Variants in CCDC102B observed in about 807,000 individuals in gnomAD.
CCDC102B encodes coiled-coil domain-containing protein 102B.
A neutral mutation model predicts 57.4 loss-of-function variants in CCDC102B; 75 were observed. The observed-to-expected ratio is 1.31, with a 90% CI of 1.08 to 1.58. CCDC102B has a LOEUF of 1.58. Among genes scored for constraint, CCDC102B ranks in the 40% most tolerant of loss-of-function variants. The pLI is 0.00. For synonymous variants in CCDC102B, 206 were observed against 201.9 expected (o/e 1.02, Z -0.17); for missense variants, 636 against 582.6 (o/e 1.09, Z -0.94).
intron 1 of CCDC102B, among the ~76,000 whole-genome samples, chr18:68,813,487 G>A (rs928160542): frequency 6.6e-6 from 1 of 151,944 alleles, no homozygotes; most frequent in African/African-American, 2.4e-5. Context: ...AAGAGGAAGG[G>A]AAGGGGAGGC....
chr18:68,945,646 C>A (rs1869810629), intron 6 of CCDC102B, among the ~76,000 whole-genome samples: 1 of 152,088 alleles, frequency 6.6e-6, no homozygotes, highest in South Asian at 2.1e-4. Flanking sequence ...ATGTAAACTT[C>A]AAGGCATTCC....
chr18:68,879,988 T>TG (rs2039618008), intron 5 of CCDC102B, among the ~76,000 whole-genome samples: 1 of 152,200 alleles, frequency 6.6e-6, no homozygotes, highest in South Asian at 2.1e-4. Flanking sequence ...TCCTGTGCAG[T>TG]GCGCATGCAC....
At chr18:68,796,289 A>T (rs138189652), upstream of CCDC102B, among the ~76,000 whole-genome samples, 265 of 152,290 alleles carry the variant, frequency 1.7e-3, 3 homozygotes, top group East Asian at 0.039. Context: ...TGGATTTGAT[A>T]TAGAATAGAA....
intron 3 of CCDC102B, among the ~76,000 whole-genome samples, chr18:68,845,039 A>G (rs1302007301): frequency 6.6e-6 from 1 of 151,900 alleles, no homozygotes; most frequent in Non-Finnish European, 1.5e-5. Context: ...ATGTCTTTTG[A>G]GGTTAAGCTA....
chr18:69,025,679 G>A (rs1201132619), intron 7 of CCDC102B, among the ~76,000 whole-genome samples: 1 of 152,156 alleles, frequency 6.6e-6, no homozygotes, highest in African/African-American at 2.4e-5. Context: ...GCTCCGGAAA[G>A]GGAAAAATAT....
At chr18:68,883,131 A>T (rs1025215535) in intron 5 of CCDC102B, among the ~76,000 whole-genome samples, 6 of 152,140 alleles carry the variant, frequency 3.9e-5, no homozygotes, top group African/African-American at 1.4e-4. Context: ...TTAAAAGTAT[A>T]TATAAAAGGC....
chr18:69,002,453 C>T (rs1299585553), intron 6 of CCDC102B, among the ~76,000 whole-genome samples: 1 of 152,064 alleles, frequency 6.6e-6, no homozygotes, highest in African/African-American at 2.4e-5. Flanking sequence ...GGATGAGCGC[C>T]AAATGTTTGT....
At chr18:68,899,554 G>T (rs777303436) in intron 6 of CCDC102B, among the ~76,000 whole-genome samples, 1 of 151,882 alleles carries the variant, frequency 6.6e-6, no homozygotes, top group Non-Finnish European at 1.5e-5. Context: ...AACACTGCAC[G>T]ATTATTAGTC....
intron 7 of CCDC102B, among the ~76,000 whole-genome samples, chr18:69,039,926 A>G (rs2052388532): frequency 6.6e-6 from 1 of 151,922 alleles, no homozygotes; most frequent in East Asian, 1.9e-4. Context: ...CTACTCTCCA[A>G]TTGTAAAATA....
At chr18:68,952,723 C>A (rs2049732943) in intron 6 of CCDC102B, among the ~76,000 whole-genome samples, 1 of 152,170 alleles carries the variant, frequency 6.6e-6, no homozygotes. Flanking sequence ...ATTACCACTA[C>A]TTGGCAAAAT....
chr18:68,718,131 A>G (rs1312196541), intron 2 of CCDC102B: 4 of 152,224 alleles, frequency 2.6e-5, no homozygotes, highest in Non-Finnish European at 1.5e-5. Context: ...TATTATTTAT[A>G]AATTACCAAG....
At chr18:68,970,934 T>G (rs1346159147) in intron 6 of CCDC102B, among the ~76,000 whole-genome samples, 1 of 151,944 alleles carries the variant, frequency 6.6e-6, no homozygotes, top group Non-Finnish European at 1.5e-5. Context: ...AATGTGATTT[T>G]ATTGTGCAGT....
intron 4 of CCDC102B, among the ~76,000 whole-genome samples, chr18:68,850,088 G>A (rs1436056621): frequency 6.6e-6 from 1 of 152,112 alleles, no homozygotes; most frequent in Non-Finnish European, 1.5e-5. Context: ...GGCATGTTGA[G>A]CAATGCATTT....
At chr18:69,012,674 GA>G (rs1217469219) in intron 7 of CCDC102B, among the ~76,000 whole-genome samples, 1 of 151,816 alleles carries the variant, frequency 6.6e-6, no homozygotes, top group African/African-American at 2.4e-5. Context: ...CTCACGTCCT[GA>G]GGCCACCATG....
chr18:68,932,843 G>A lies in CCDC102B; in HGVS notation c.1263+35415G>A, dbSNP rs1288695968. Among the ~76,000 whole-genome samples, 13 of 151,874 alleles carry A rather than the reference G, an allele frequency of 8.6e-5. No homozygotes were observed. The East Asian group carries it at 2.1e-3, about 25-fold the overall frequency. ...TTACAATTCCTTCCACTTTATTGACGACTGATACAGGAAGGCTTCTCTCTT... is the reference window on the plus strand; with the variant it reads ...TTACAATTCCTTCCACTTTATTGACAACTGATACAGGAAGGCTTCTCTCTT... On this transcript the variant is annotated intron_variant, in intron 6 of 7. Transcript: ENST00000360242.
intron 6 of CCDC102B, among the ~76,000 whole-genome samples, chr18:68,988,093 G>C (rs780032623): frequency 6.6e-6 from 1 of 152,190 alleles, no homozygotes; most frequent in African/African-American, 2.4e-5. Flanking sequence ...ACACAGGCAC[G>C]CATATGTTCA....
At chr18:68,980,501 A>G (rs2050551512) in intron 6 of CCDC102B, among the ~76,000 whole-genome samples, 1 of 151,942 alleles carries the variant, frequency 6.6e-6, no homozygotes, top group South Asian at 2.1e-4. Context: ...ACCTAACTGT[A>G]TACTCCCTAA....
At chr18:68,820,737 A>C (rs2036660473) in intron 1 of CCDC102B, among the ~76,000 whole-genome samples, 1 of 152,066 alleles carries the variant, frequency 6.6e-6, no homozygotes, top group South Asian at 2.1e-4. Flanking sequence ...CTTAATGTCC[A>C]CTCTAACAGA....
chr18:68,981,007 C>T (rs1352305040), intron 6 of CCDC102B, among the ~76,000 whole-genome samples: 2 of 151,920 alleles, frequency 1.3e-5, no homozygotes, highest in African/African-American at 2.4e-5. Context: ...CAGGAAAGAG[C>T]GATGGCTTGG....
Sources: allele counts gnomAD v4.1 joint callset (sites outside exome capture counted in the v4.1 genomes callset), GRCh38; gene constraint gnomAD v4.1.1; transcripts MANE v1.5; gene names NCBI Gene and HGNC (gene_info 2026-07-23, HGNC 2026-07-21).